The following CNGB3 variants were observed in gnomAD, a reference collection of about 807,000 sequenced individuals.
CNGB3 encodes cyclic nucleotide gated channel subunit beta 3.
In CNGB3, 86 loss-of-function variants were observed where a neutral mutation model predicts 92.8. The ratio of observed to expected loss-of-function variants is 0.93; its 90% CI spans 0.78 to 1.11. CNGB3 has a LOEUF of 1.11. Among genes scored for constraint, CNGB3 ranks in the 50% least tolerant of loss-of-function variants. CNGB3 has a pLI of 0.00. For missense variants in CNGB3, 1,026 were observed against 956.8 expected, an observed-to-expected ratio of 1.07 and a Z score of -0.95; for synonymous variants, 333 against 332.7, an observed-to-expected ratio of 1.00 and a Z score of -0.01.
chr8:86,666,135 C>T (rs373775382), intron 6 of CNGB3, among the ~76,000 whole-genome samples: 3 of 152,228 alleles, frequency 2.0e-5, no homozygotes, highest in Admixed American at 1.3e-4. Flanking sequence ...TGAAATAATA[C>T]CTATCTTATT....
chr8:86,716,507 G>C (rs1824855877), intron 3 of CNGB3, among the ~76,000 whole-genome samples: 1 of 152,202 alleles, frequency 6.6e-6, no homozygotes, highest in African/African-American at 2.4e-5. Flanking sequence ...ACCTACTAGA[G>C]TAACAGCAGA....
intron 5 of CNGB3, among the ~76,000 whole-genome samples, chr8:86,667,779 G>C (rs1048271859): frequency 6.6e-6 from 1 of 152,188 alleles, no homozygotes; most frequent in African/African-American, 2.4e-5. Flanking sequence ...TCTTTTCAAA[G>C]GTAATTAGGG....
At chr8:86,714,809 G>A (rs1408438559) in intron 3 of CNGB3, among the ~76,000 whole-genome samples, 1 of 152,152 alleles carries the variant, frequency 6.6e-6, no homozygotes, top group Non-Finnish European at 1.5e-5. Flanking sequence ...AGGGCACTGT[G>A]GGAGTGAGAC....
intron 15 of CNGB3, among the ~76,000 whole-genome samples, chr8:86,598,665 A>C (rs1320171321): frequency 6.6e-6 from 1 of 152,170 alleles, no homozygotes; most frequent in Admixed American, 6.5e-5. Context: ...TAGTGCTGCC[A>C]GGCATTTCTT....
chr8:86,734,212 G>T (rs1825207029), intron 2 of CNGB3, among the ~76,000 whole-genome samples: 1 of 152,118 alleles, frequency 6.6e-6, no homozygotes, highest in Non-Finnish European at 1.5e-5. Flanking sequence ...TTTAGCTTTA[G>T]ATTACGCCCA....
chr8:86,621,923 C>T (rs1163634371), intron 13 of CNGB3, among the ~76,000 whole-genome samples: 1 of 151,992 alleles, frequency 6.6e-6, no homozygotes, highest in Middle Eastern at 3.2e-3. Context: ...ATTAGCTGGG[C>T]ATGGTGGCAC....
intron 15 of CNGB3, among the ~76,000 whole-genome samples, chr8:86,589,233 T>C (rs1419024674): frequency 6.6e-6 from 1 of 150,990 alleles, no homozygotes. Flanking sequence ...CTCTCTTTTT[T>C]TCTTTATTAG....
At position 86,658,836 on chromosome 8, in the gene CNGB3, A is replaced by T; in HGVS notation, c.853-4774T>A. ...GAAGACTGCATGACTGATGGTGGTG[A>T]GGTCATTCTGCATGGTCTCCAGGGT... On this transcript the variant is annotated intron_variant, in intron 6 of 17. Coordinates refer to ENST00000320005, the MANE Select transcript of CNGB3 (RefSeq NM_019098.5). 4 of 619,208 alleles carry T rather than the reference A, an allele frequency of 6.5e-6. No individual in the cohort carries two copies. In the South Asian group the frequency reaches 7.4e-5, roughly 12 times the overall value. The allele number at this position is 619,208 out of a possible 1,614,324, so 38.4% of individuals were successfully genotyped here.
chr8:86,592,736 A>G (rs1822072969), intron 15 of CNGB3, among the ~76,000 whole-genome samples: 1 of 152,242 alleles, frequency 6.6e-6, no homozygotes, highest in Non-Finnish European at 1.5e-5. Context: ...CTATCAATGG[A>G]AAGAACATCA....
intron 13 of CNGB3, among the ~76,000 whole-genome samples, chr8:86,617,549 T>C (rs1273895752): frequency 6.6e-6 from 1 of 152,218 alleles, no homozygotes; most frequent in Non-Finnish European, 1.5e-5. Context: ...TTGGTAGCTG[T>C]TGGGACCAGC....
At position 86,628,918 on chromosome 8, in the gene CNGB3, C is replaced by T. The variant is rs1057516825; in HGVS notation, c.1480+1G>A. On this transcript the variant is annotated splice_donor_variant, in intron 12 of 17. Transcript: ENST00000320005. LOFTEE classifies it high-confidence loss of function. ...TTTAATCGGTAATCTGCCATGCTTACCTAGCATTCTTTGAGAGTCCCATGT... is the reference window on the plus strand; with the variant it reads ...TTTAATCGGTAATCTGCCATGCTTATCTAGCATTCTTTGAGAGTCCCATGT... The T allele has an allele frequency of 1.2e-6, 2 of 1,613,778 alleles. No homozygotes were observed. The highest frequency in any genetic ancestry group is 2.2e-5 in the South Asian group (2 of 91,070).
chr8:86,595,125 A>G (rs1317083232), intron 15 of CNGB3, among the ~76,000 whole-genome samples: 2 of 152,224 alleles, frequency 1.3e-5, no homozygotes, highest in Non-Finnish European at 2.9e-5. Context: ...CATCTCTGAA[A>G]TTAAAATCTA....
At chr8:86,728,578 T>C (rs1457366284) in intron 2 of CNGB3, among the ~76,000 whole-genome samples, 5 of 152,218 alleles carry the variant, frequency 3.3e-5, no homozygotes, top group Non-Finnish European at 7.3e-5. Context: ...CACAAACACT[T>C]GGACAATTAC....
At chr8:86,662,518 A>G (rs1823661408) in intron 6 of CNGB3, among the ~76,000 whole-genome samples, 1 of 152,214 alleles carries the variant, frequency 6.6e-6, no homozygotes, top group African/African-American at 2.4e-5. Context: ...TATTTTCTAT[A>G]TGCCAGACCC....
intron 3 of CNGB3, among the ~76,000 whole-genome samples, chr8:86,706,278 T>G (rs1824650742): frequency 6.6e-6 from 1 of 152,208 alleles, no homozygotes. Context: ...CTCTTCCCCT[T>G]AGATTAATGT....
chr8:86,659,479 A>G, intron 6 of CNGB3: 3 of 609,968 alleles, frequency 4.9e-6, no homozygotes, highest in Non-Finnish European at 9.0e-6. Context: ...TTTCTCTTCT[A>G]ATTCTGAGTT....
intron 15 of CNGB3, among the ~76,000 whole-genome samples, chr8:86,592,411 C>T (rs1822067534): frequency 6.6e-6 from 1 of 152,140 alleles, no homozygotes; most frequent in South Asian, 2.1e-4. Flanking sequence ...AGATATTTTC[C>T]CAAGTTCTTT....
rs190053195 is a variant in CNGB3, at chr8:86,579,088, G to A, written c.1928+18C>T. The A allele has an allele frequency of 2.6e-3, 4,198 of 1,613,984 alleles. 9 individuals are homozygous for A. The highest frequency in any genetic ancestry group is 2.9e-3 in the Non-Finnish European group (3,466 of 1,179,920). On this transcript the variant is annotated intron_variant, in intron 16 of 17. Coordinates refer to ENST00000320005, the MANE Select transcript of CNGB3 (RefSeq NM_019098.5). Reference sequence around the variant, plus strand: ...AAACCAACTCCATCCATCTCTAATGGTGTTTTAAAGGTTGTACCTGGCTTT... The same window carrying A: ...AAACCAACTCCATCCATCTCTAATGATGTTTTAAAGGTTGTACCTGGCTTT...
At chr8:86,647,678 T>C (rs939467311) in intron 8 of CNGB3, 123 bp downstream of exon 8, 5 of 650,502 alleles carry the variant, frequency 7.7e-6, no homozygotes, top group Non-Finnish European at 1.4e-5. Flanking sequence ...TGGAGAAGAG[T>C]TTGGGAAAAA....
Sources: gnomAD v4.1 joint callset for allele counts (sites outside exome capture counted in the v4.1 genomes callset) on GRCh38, gnomAD v4.1.1 for gene constraint, MANE v1.5 for transcripts, NCBI Gene and HGNC (gene_info 2026-07-23, HGNC 2026-07-21) for gene names.